PAN3: variants seen among roughly 807,000 people sequenced by gnomAD.
The protein encoded by PAN3 is PAN2-PAN3 deadenylation complex subunit PAN3.
In PAN3, 19 loss-of-function variants were observed where a neutral mutation model predicts 96.2. The ratio of observed to expected loss-of-function variants is 0.20; its 90% CI spans 0.14 to 0.29. PAN3 has a LOEUF of 0.29. Among genes scored for constraint, PAN3 ranks in the 10% least tolerant of loss-of-function variants. The probability of loss-of-function intolerance (pLI) is 1.00; values close to 1 mark genes in which losing one functional copy is unlikely to be tolerated. For synonymous variants in PAN3, 433 were observed against 406.6 expected, an observed-to-expected ratio of 1.06 and a Z score of -0.78; for missense variants, 882 against 1,108.1, an observed-to-expected ratio of 0.80 and a Z score of 2.90.
At chr13:28,167,372 G>T (rs988033470) in intron 1 of PAN3, among the ~76,000 whole-genome samples, 5 of 151,898 alleles carry the variant, frequency 3.3e-5, no homozygotes, top group African/African-American at 1.2e-4. Context: ...TGTTGGCCGG[G>T]TTGGTCTCAA....
intron 14 of PAN3, among the ~76,000 whole-genome samples, chr13:28,274,779 G>A (rs938949238): frequency 1.3e-5 from 2 of 152,086 alleles, no homozygotes; most frequent in African/African-American, 2.4e-5. Flanking sequence ...GGGTATATAT[G>A]TGTAGCTGAT....
chr13:28,157,205 T>A (rs2138006821), intron 1 of PAN3, among the ~76,000 whole-genome samples: 2 of 151,996 alleles, frequency 1.3e-5, no homozygotes, highest in South Asian at 2.1e-4. Flanking sequence ...CTCAATAAAC[T>A]AGGCATTGAA....
At chr13:28,140,684 G>A (rs1869635083) in intron 1 of PAN3, among the ~76,000 whole-genome samples, 1 of 137,762 alleles carries the variant, frequency 7.3e-6, no homozygotes, top group Non-Finnish European at 1.5e-5. Context: ...GCTGGGCCAA[G>A]TGTTGTTCTG....
rs147899489 is a variant in PAN3, at chr13:28,263,180, A to T, written c.1411+1722A>T. ...ATTAGGGAAGGAGAGGTTTGATTTG[A>T]GTCTGCAGTAACTAAATCAATGTGG... On this transcript the variant is annotated intron_variant, in intron 9 of 18. Transcript: ENST00000380958. Among the ~76,000 whole-genome samples, 942 of 152,332 alleles carry T rather than the reference A, an allele frequency of 6.2e-3. 5 individuals are homozygous for T. Among genetic ancestry groups the T allele is most frequent in the Non-Finnish European group, 9.3e-3 (634 of 68,030 alleles).
intron 4 of PAN3, among the ~76,000 whole-genome samples, chr13:28,185,617 A>G (rs1373126196): frequency 6.6e-6 from 1 of 151,614 alleles, no homozygotes; most frequent in Non-Finnish European, 1.5e-5. Context: ...CTTTTTTTTT[A>G]AAGGTGTGTG....
At chr13:28,179,794 T>C (rs991932601) in intron 4 of PAN3, among the ~76,000 whole-genome samples, 1 of 152,088 alleles carries the variant, frequency 6.6e-6, no homozygotes, top group African/African-American at 2.4e-5. Context: ...TGTTTAAAAG[T>C]ATTTCTAATA....
At chr13:28,173,577 T>C (rs1226619311) in intron 1 of PAN3, among the ~76,000 whole-genome samples, 1 of 152,206 alleles carries the variant, frequency 6.6e-6, no homozygotes, top group Non-Finnish European at 1.5e-5. Context: ...TGCTTCTTAC[T>C]GGGGTTGAAG....
In PAN3 at chr13:28,138,570, C is replaced by A; in HGVS notation, c.-88C>A. On this transcript the variant is annotated 5_prime_UTR_variant, in exon 1 of 19. Transcript: ENST00000380958. The stretch of plus-strand genomic sequence containing the variant: ...ACCCGCCCAGGCTTTTATCCGGCAC[C>A]GGCAGCGTCTTCCTTTCCTCCCCCG... 1 of 442,900 alleles carries A rather than the reference C, an allele frequency of 2.3e-6. No individual in the cohort carries two copies. The highest frequency in any genetic ancestry group is 3.9e-6 in the Non-Finnish European group (1 of 254,460). 27.4% of individuals were successfully genotyped at this position (442,900 alleles called of 1,614,324 possible).
intron 14 of PAN3, among the ~76,000 whole-genome samples, chr13:28,274,613 C>G (rs955696739): frequency 6.6e-6 from 1 of 151,988 alleles, no homozygotes; most frequent in African/African-American, 2.4e-5. Flanking sequence ...AAAAAAATCC[C>G]TGAGTTCAGA....
At chr13:28,203,680 A>G (rs9513055) in intron 5 of PAN3, among the ~76,000 whole-genome samples, 7,068 of 152,288 alleles carry the variant, frequency 0.046, 236 homozygotes, top group Middle Eastern at 0.082. Context: ...GAGATCTTCC[A>G]TCTTAAAGTT....
Position 28,142,388 on chromosome 13 carries a change from G to C in PAN3, c.430+3301G>C, listed in dbSNP as rs1014712790. ...TTGCTGTGTTGTCCAGGCTGGTTTC[G>C]AACTCCTGGGCTCTAGCAATCTCCT... On this transcript the variant is annotated intron_variant, in intron 1 of 18. Transcript: ENST00000380958. 9.2e-5 allele frequency among the ~76,000 whole-genome samples: 14 copies of C among 152,080 alleles called. No homozygotes were observed. In the South Asian group the frequency reaches 1.5e-3, roughly 16 times the overall value.
intron 6 of PAN3, among the ~76,000 whole-genome samples, chr13:28,228,313 A>C (rs1882208101): frequency 6.6e-6 from 1 of 152,126 alleles, no homozygotes; most frequent in Admixed American, 6.5e-5. Flanking sequence ...TTTCAGATGT[A>C]GTTACTCTAG....
chr13:28,178,308 A>T (rs1370710839), intron 4 of PAN3, among the ~76,000 whole-genome samples: 1 of 152,150 alleles, frequency 6.6e-6, no homozygotes, highest in African/African-American at 2.4e-5. Flanking sequence ...AATTTCAAAA[A>T]TTCTTCCCTA....
chr13:28,271,948 A>T, intron 13 of PAN3, 33 bp from the exon 14 acceptor site: 1 of 1,403,800 alleles, frequency 7.1e-7, no homozygotes, highest in Non-Finnish European at 9.7e-7. Flanking sequence ...AACTTATTTT[A>T]ATTATTTTCT....
chr13:28,236,021 G>A (rs917577184), intron 6 of PAN3, among the ~76,000 whole-genome samples: 2 of 151,706 alleles, frequency 1.3e-5, no homozygotes, highest in African/African-American at 2.4e-5. Context: ...CGTGAACCCC[G>A]TGCATGGCCT....
At chr13:28,258,550 A>G (rs2138603047) in intron 7 of PAN3, among the ~76,000 whole-genome samples, 1 of 152,324 alleles carries the variant, frequency 6.6e-6, no homozygotes, top group East Asian at 1.9e-4. Context: ...CTGCTGACCT[A>G]GAGTAGGTTT....
At chr13:28,255,508 A>G (rs1324890352) in intron 6 of PAN3, among the ~76,000 whole-genome samples, 1 of 152,114 alleles carries the variant, frequency 6.6e-6, no homozygotes, top group African/African-American at 2.4e-5. Flanking sequence ...TTTCTTCACA[A>G]TAAACTCATA....
chr13:28,261,353 G>T, intron 8 of PAN3, 48 bp from the exon 9 acceptor site: 1 of 1,353,212 alleles, frequency 7.4e-7, no homozygotes, highest in South Asian at 1.4e-5. Context: ...GGAATTCCAG[G>T]TTTCAGAATC....
chr13:28,246,760 A>AT (rs1289291800), intron 6 of PAN3, among the ~76,000 whole-genome samples: 16 of 151,882 alleles, frequency 1.1e-4, no homozygotes, highest in African/African-American at 2.9e-4. Flanking sequence ...ACAGGATGTC[A>AT]TTTTTTTTAT....
Sources: gnomAD v4.1 joint callset for allele counts (sites outside exome capture counted in the v4.1 genomes callset) on GRCh38, gnomAD v4.1.1 for gene constraint, MANE v1.5 for transcripts, NCBI Gene and HGNC (gene_info 2026-07-23, HGNC 2026-07-21) for gene names.